LARGE1: variants seen among roughly 807,000 people sequenced by gnomAD.
LARGE1 encodes xylosyl- and glucuronyltransferase LARGE1.
Under a neutral mutation model 87.6 loss-of-function variants are expected in LARGE1, and 43 were observed. The ratio of observed to expected loss-of-function variants is 0.49; its 90% confidence interval spans 0.38 to 0.63. LARGE1 has a LOEUF of 0.63. Among genes scored for constraint, LARGE1 ranks in the 30% least tolerant of loss-of-function variants. LARGE1 has a pLI of 0.00. For synonymous variants in LARGE1, 434 were observed against 394.6 expected (o/e 1.10, Z -1.18); for missense variants, 802 against 1,000.2 (o/e 0.80, Z 2.67).
intron 6 of LARGE1, among the ~76,000 whole-genome samples, chr22:33,558,760 C>A (rs994717241): frequency 2.6e-5 from 4 of 152,174 alleles, no homozygotes; most frequent in African/African-American, 7.2e-5. Flanking sequence ...AAAATTTCTA[C>A]AAATGTCTTT....
Position 33,318,625 on chromosome 22 carries a change from A to T in LARGE1, c.1288-2377T>A, listed in dbSNP as rs1427031776. ...GGTTGGGGGAGAGGGGAGGGATAGC[A>T]TTAGGAGATATACCTAATGTTAAAT... On this transcript the variant is annotated intron_variant, in intron 10 of 14. Coordinates refer to ENST00000397394, the MANE Select transcript of LARGE1 (RefSeq NM_133642.5). Among the ~76,000 whole-genome samples, 4 of 152,296 alleles carry T rather than the reference A, an allele frequency of 2.6e-5. No homozygotes were observed. In the East Asian group the frequency reaches 7.7e-4, roughly 29 times the overall value.
At chr22:33,348,161 C>T (rs538734633) in intron 9 of LARGE1, among the ~76,000 whole-genome samples, 4 of 152,064 alleles carry the variant, frequency 2.6e-5, no homozygotes, top group African/African-American at 7.2e-5. Flanking sequence ...AACACAGGCA[C>T]TTTAAATTGG....
intron 7 of LARGE1, among the ~76,000 whole-genome samples, chr22:33,395,996 C>G (rs1195183015): frequency 6.6e-6 from 1 of 152,226 alleles, no homozygotes; most frequent in Non-Finnish European, 1.5e-5. Flanking sequence ...TTGCTTGTCC[C>G]TTCAGTTTGA....
At chr22:33,902,827 G>A (rs750769194) in intron 1 of LARGE1, among the ~76,000 whole-genome samples, 14 of 152,094 alleles carry the variant, frequency 9.2e-5, no homozygotes, top group Non-Finnish European at 1.2e-4. Flanking sequence ...ATTTAGTGAC[G>A]GGGTCTTTAA....
At chr22:33,479,607 G>A (rs2069224052) in intron 6 of LARGE1, among the ~76,000 whole-genome samples, 1 of 152,192 alleles carries the variant, frequency 6.6e-6, no homozygotes, top group African/African-American at 2.4e-5. Flanking sequence ...AAAATTAGCA[G>A]TAAATAATTC....
At chr22:33,786,505 A>G (rs1601614815) in intron 1 of LARGE1, among the ~76,000 whole-genome samples, 2 of 152,184 alleles carry the variant, frequency 1.3e-5, no homozygotes, top group South Asian at 2.1e-4. Flanking sequence ...ACAGTACAAA[A>G]TATTCCAACC....
At chr22:33,193,818 G>A (rs5998800) in intron 11 of LARGE1, among the ~76,000 whole-genome samples, 93,933 of 149,224 alleles carry the variant, frequency 0.63, 30,007 homozygotes, top group African/African-American at 0.71. Flanking sequence ...ACTATAAAAA[G>A]TAATTTATAT....
intron 2 of LARGE1, among the ~76,000 whole-genome samples, chr22:33,753,220 A>G (rs2084387241): frequency 6.6e-6 from 1 of 152,088 alleles, no homozygotes; most frequent in Non-Finnish European, 1.5e-5. Context: ...CTCCATCACA[A>G]AAAAATAGTA....
intron 8 of LARGE1, among the ~76,000 whole-genome samples, chr22:33,383,895 C>T (rs900229434): frequency 6.6e-6 from 1 of 152,216 alleles, no homozygotes; most frequent in Admixed American, 6.5e-5. Context: ...ACGCTAAGCT[C>T]TATGAGGGCA....
At chr22:33,073,209 G>C in the LARGE1 span, among the ~76,000 whole-genome samples, 1 of 152,130 alleles carries the variant, frequency 6.6e-6, no homozygotes, top group East Asian at 1.9e-4. Context: ...CATTCCTAAA[G>C]TTTAAATAAA....
intron 6 of LARGE1, among the ~76,000 whole-genome samples, chr22:33,487,135 T>C (rs57674610): frequency 9.3e-4 from 142 of 152,340 alleles, no homozygotes; most frequent in African/African-American, 3.0e-3. Context: ...AGGAATGTGC[T>C]TCAGGGCAAC....
chr22:33,405,349 T>C (rs2066059881), intron 7 of LARGE1, among the ~76,000 whole-genome samples: 1 of 152,186 alleles, frequency 6.6e-6, no homozygotes, highest in South Asian at 2.1e-4. Context: ...CAGGCCAAGC[T>C]GGAGCCCACA....
At chr22:33,105,633 C>T in the LARGE1 span, 1 of 152,164 alleles carries the variant, frequency 6.6e-6, no homozygotes, top group Non-Finnish European at 1.5e-5. Context: ...AGCCCAGAAG[C>T]TGAGGAAGGG....
chr22:33,624,389 G>C (rs2079854954), intron 4 of LARGE1, among the ~76,000 whole-genome samples: 1 of 152,160 alleles, frequency 6.6e-6, no homozygotes, highest in Admixed American at 6.6e-5. Context: ...AGCACAGGGG[G>C]TATTGTGGGC....
At chr22:33,879,030 T>C (rs1569008046) in intron 1 of LARGE1, among the ~76,000 whole-genome samples, 4 of 151,916 alleles carry the variant, frequency 2.6e-5, no homozygotes, top group Admixed American at 1.3e-4. Flanking sequence ...TGGAATGCAA[T>C]GGCGTGATCT....
chr22:33,254,171 C>G (rs575256428), intron 11 of LARGE1, among the ~76,000 whole-genome samples: 1 of 151,926 alleles, frequency 6.6e-6, no homozygotes, highest in South Asian at 2.1e-4. Flanking sequence ...AAGCTTATCA[C>G]GAAAAAAAGA....
intron 4 of LARGE1, among the ~76,000 whole-genome samples, chr22:33,605,804 G>A (rs1027120483): frequency 2.0e-5 from 3 of 152,124 alleles, no homozygotes; most frequent in Admixed American, 1.3e-4. Context: ...ACAGACGAGC[G>A]CAGTTAAATA....
intron 2 of LARGE1, among the ~76,000 whole-genome samples, chr22:33,673,216 A>T (rs2081470218): frequency 6.6e-6 from 1 of 152,204 alleles, no homozygotes; most frequent in African/African-American, 2.4e-5. Context: ...CGGAGGTTGC[A>T]GGGAGCAGAG....
the LARGE1 span, among the ~76,000 whole-genome samples, chr22:33,089,409 C>CT: frequency 8.1e-6 from 1 of 124,056 alleles, no homozygotes; most frequent in Non-Finnish European, 1.6e-5. Context: ...CTTTCTTCTT[C>CT]TTCTACTTCT....
Sources: gnomAD v4.1 joint callset for allele counts (sites outside exome capture counted in the v4.1 genomes callset) on GRCh38, gnomAD v4.1.1 for gene constraint, MANE v1.5 for transcripts, NCBI Gene and HGNC (gene_info 2026-07-23, HGNC 2026-07-21) for gene names.